The following LRRC37A variants were observed in gnomAD, a reference collection of about 807,000 sequenced individuals.
The protein encoded by LRRC37A is leucine-rich repeat-containing protein 37A.
Under a neutral mutation model 35.4 loss-of-function variants are expected in LRRC37A, and 3 were observed. The ratio of observed to expected loss-of-function variants is 0.08; its 90% CI spans 0.04 to 0.22. The LOEUF (loss-of-function observed/expected upper bound fraction) is 0.22, where lower values mean the gene tolerates loss of function less well. LRRC37A is among the 10% of genes least tolerant of loss of function. The pLI is 1.00. For synonymous variants in LRRC37A, 23 were observed against 215.0 expected (o/e 0.11, Z 7.81); for missense variants, 67 against 565.3 (o/e 0.12, Z 8.94).
At chr17:46,260,620 CT>C in the LRRC37A span, 20,380 of 1,063,006 alleles carry the variant, frequency 0.019, 4 homozygotes, top group Middle Eastern at 0.045. Context: ...TCTCTATTCT[CT>C]TTTTTTTTTT....
chr17:46,285,241 C>CTTT, the LRRC37A span, among the ~76,000 whole-genome samples: 3 of 138,422 alleles, frequency 2.2e-5, no homozygotes, highest in Non-Finnish European at 3.1e-5. Flanking sequence ...CTTTTCTTTC[C>CTTT]TTTTTTTTTT....
upstream of LRRC37A, among the ~76,000 whole-genome samples, chr17:46,291,709 G>A (rs1425420389): frequency 2.0e-5 from 3 of 151,940 alleles, no homozygotes; most frequent in Admixed American, 6.5e-5. Flanking sequence ...TCACTTGCTT[G>A]AGCCCGGGAG....
chr17:46,265,403 TTCC>T, the LRRC37A span, among the ~76,000 whole-genome samples: 7 of 151,006 alleles, frequency 4.6e-5, no homozygotes, highest in South Asian at 2.1e-4. Flanking sequence ...CTCCTCCTCC[TTCC>T]TCCTCCTCCT....
At chr17:46,289,336 C>A (rs1329693200), upstream of LRRC37A, among the ~76,000 whole-genome samples, 3 of 152,158 alleles carry the variant, frequency 2.0e-5, no homozygotes, top group African/African-American at 2.4e-5. Flanking sequence ...CACCACCATG[C>A]CCAGCTACTT....
the LRRC37A span, among the ~76,000 whole-genome samples, chr17:46,261,199 T>C: frequency 2.6e-5 from 4 of 152,214 alleles, no homozygotes; most frequent in Admixed American, 2.6e-4. Flanking sequence ...TGTTCCCCAA[T>C]ATCCTATGGA....
At chr17:46,267,111 C>T in the LRRC37A span, 1 of 415,468 alleles carries the variant, frequency 2.4e-6, no homozygotes, top group Non-Finnish European at 4.1e-6. Context: ...GCTTGCCGGG[C>T]GGGCATGGAC....
the LRRC37A span, among the ~76,000 whole-genome samples, chr17:46,258,888 T>C: frequency 1.3e-5 from 2 of 151,474 alleles, no homozygotes; most frequent in Non-Finnish European, 2.9e-5. Context: ...CTAATTTTTT[T>C]TTTGTATTTT....
the LRRC37A span, among the ~76,000 whole-genome samples, chr17:46,255,350 T>C: frequency 2.0e-5 from 3 of 149,024 alleles, no homozygotes; most frequent in African/African-American, 7.4e-5. Context: ...AGTGTTTGCA[T>C]CCTCCCCAAA....
the LRRC37A span, among the ~76,000 whole-genome samples, chr17:46,284,711 A>T: frequency 6.6e-6 from 1 of 152,248 alleles, no homozygotes; most frequent in East Asian, 1.9e-4. Flanking sequence ...CAAAGTGTGG[A>T]ATCATTACCA....
the LRRC37A span, among the ~76,000 whole-genome samples, chr17:46,279,972 G>C: frequency 6.6e-6 from 1 of 152,206 alleles, no homozygotes; most frequent in African/African-American, 2.4e-5. Context: ...CCATTCTCCT[G>C]CTAGGATTTG....
At chr17:46,286,531 T>C in the LRRC37A span, among the ~76,000 whole-genome samples, 3 of 152,220 alleles carry the variant, frequency 2.0e-5, no homozygotes, top group Admixed American at 2.0e-4. Flanking sequence ...TTAATCTCAT[T>C]AATTTCTATG....
At chr17:46,276,022 C>T in the LRRC37A span, among the ~76,000 whole-genome samples, 2 of 152,182 alleles carry the variant, frequency 1.3e-5, no homozygotes, top group Admixed American at 6.5e-5. Context: ...TCCCGAGTAG[C>T]TGGGATTACA....
the LRRC37A span, among the ~76,000 whole-genome samples, chr17:46,262,502 T>G: frequency 6.6e-6 from 1 of 152,262 alleles, no homozygotes; most frequent in African/African-American, 2.4e-5. Flanking sequence ...CGTGAGCCAC[T>G]GCGCCTGGCC....
upstream of LRRC37A, among the ~76,000 whole-genome samples, chr17:46,288,706 C>CTTTTTCTTTT (rs2049986373): frequency 7.2e-6 from 1 of 139,060 alleles, no homozygotes; most frequent in Non-Finnish European, 1.6e-5. Flanking sequence ...CTTGTTTTTT[C>CTTTTTCTTTT]TTTTTTTTTT....
At chr17:46,284,021 A>G in the LRRC37A span, among the ~76,000 whole-genome samples, 1 of 152,246 alleles carries the variant, frequency 6.6e-6, no homozygotes, top group Non-Finnish European at 1.5e-5. Context: ...TCCCTATCTC[A>G]GTAGATGGAA....
chr17:46,292,152 T>A (rs112884673), upstream of LRRC37A, among the ~76,000 whole-genome samples: 15,247 of 117,778 alleles, frequency 0.13, 25 homozygotes, highest in Non-Finnish European at 0.2. Flanking sequence ...GCTAACATGG[T>A]GAAACCCCGT....
chr17:46,280,371 C>G, the LRRC37A span, among the ~76,000 whole-genome samples: 1 of 151,912 alleles, frequency 6.6e-6, no homozygotes, highest in Non-Finnish European at 1.5e-5. Flanking sequence ...CTCAAAAACA[C>G]AAAACAACAG....
upstream of LRRC37A, among the ~76,000 whole-genome samples, chr17:46,290,677 C>T (rs1412407295): frequency 2.0e-5 from 3 of 152,220 alleles, no homozygotes; most frequent in African/African-American, 7.2e-5. Context: ...GAACTCCTGA[C>T]CTCAAGTGAT....
chr17:46,274,967 A>G, the LRRC37A span: 26 of 155,928 alleles, frequency 1.7e-4, no homozygotes, highest in African/African-American at 6.3e-4. Context: ...ATCTCGGCTC[A>G]ATACAACCTC....
Sources: gnomAD v4.1 joint callset for allele counts (sites outside exome capture counted in the v4.1 genomes callset) on GRCh38, gnomAD v4.1.1 for gene constraint, MANE v1.5 for transcripts, NCBI Gene and HGNC (gene_info 2026-07-23, HGNC 2026-07-21) for gene names.